Variants in SMO observed in about 807,000 individuals in gnomAD.
SMO encodes smoothened, frizzled class receptor, also known as protein smoothened.
SMO carries 40 observed loss-of-function variants against 81.6 expected under a neutral mutation model. That is an observed-to-expected ratio of 0.49 (90% CI 0.38 to 0.64). The LOEUF (loss-of-function observed/expected upper bound fraction) is 0.64, where lower values mean the gene tolerates loss of function less well. Among genes scored for constraint, SMO ranks in the 30% least tolerant of loss-of-function variants. SMO has a pLI of 0.00. For missense variants in SMO, 916 were observed against 1,061.1 expected (o/e 0.86, Z 1.90); for synonymous variants, 434 against 432.1 (o/e 1.00, Z -0.05).
At chr7:129,193,620 A>G (rs1019122384) in intron 1 of SMO, among the ~76,000 whole-genome samples, 5 of 150,506 alleles carry the variant, frequency 3.3e-5, no homozygotes, top group African/African-American at 1.2e-4. Flanking sequence ...TTAGTTGGGC[A>G]TGGTGGCGGG....
At chr7:129,203,341 G>T in intron 1 of SMO, 43 bp from the exon 2 acceptor site, 1 of 1,439,816 alleles carries the variant, frequency 6.9e-7, no homozygotes. Flanking sequence ...CTGTGGGTCA[G>T]AGTGAGGAGG....
Position 129,193,803 on chromosome 7 carries a change from T to A in SMO, c.331+4321T>A, listed in dbSNP as rs1330185468. ...AAAAAAAAATATATATATATATATA[T>A]ATATATATATATATGTATAGGCTGG... On this transcript the variant is annotated intron_variant, in intron 1 of 11. Coordinates refer to ENST00000249373, the MANE Select transcript of SMO (RefSeq NM_005631.5). Among the ~76,000 whole-genome samples the A allele has an allele frequency of 7.2e-5, 7 of 96,794 alleles. No homozygotes were observed. In the South Asian group the frequency reaches 1.2e-3, roughly 17 times the overall value. 63.5% of individuals were successfully genotyped at this position (96,794 alleles called of 152,430 possible).
Position 129,206,615 on chromosome 7 carries a change from T to A in SMO, c.1264+28T>A. On this transcript the variant is annotated intron_variant, in intron 6 of 11. Transcript: ENST00000249373. This position sits in a 1 kb window ranked among gnomAD's most constrained non-coding sequence, Gnocchi z 4.4. ...GAGTGAAGACCAGGCCAGGACCAGT[T>A]GGGCAACAAAATATACTGGGCACTT... The A allele has an allele frequency of 1.2e-6, 2 of 1,612,136 alleles. No homozygotes were observed. The highest frequency in any genetic ancestry group is 8.5e-7 in the Non-Finnish European group (1 of 1,178,850).
rs1211819451 is a variant in SMO, at chr7:129,189,530, G to T, written c.331+48G>T. 1.3e-6 allele frequency: 2 copies of T among 1,527,742 alleles called. No homozygotes were observed. Among genetic ancestry groups the T allele is most frequent in the African/African-American group, 2.7e-5 (2 of 72,792 alleles). The allele number at this position is 1,527,742 out of a possible 1,614,324, so 94.6% of individuals were successfully genotyped here. ...TGGGGGGCGGGAGGTGCCGCGGTAA[G>T]ATGGGGGCACCCTTGGAAAGAACAG... On this transcript the variant is annotated intron_variant, in intron 1 of 11. Transcript: ENST00000249373. This position sits in a 1 kb window ranked among gnomAD's most constrained non-coding sequence, Gnocchi z 4.7.
At chr7:129,193,384 G>T (rs1793506895) in intron 1 of SMO, among the ~76,000 whole-genome samples, 1 of 152,058 alleles carries the variant, frequency 6.6e-6, no homozygotes, top group South Asian at 2.1e-4. Flanking sequence ...TTTTGGTGAT[G>T]GTGGGTTATT....
chr7:129,209,051 G>C (rs1026220165), intron 7 of SMO, 200 bp downstream of exon 7: 204 of 617,392 alleles, frequency 3.3e-4, no homozygotes, highest in Middle Eastern at 1.3e-3. Context: ...ATTCAGTCAA[G>C]TTCATGCCGG....
chr7:129,196,040 G>A (rs34584368), intron 1 of SMO, among the ~76,000 whole-genome samples: 4,071 of 149,922 alleles, frequency 0.027, 91 homozygotes, highest in Admixed American at 0.065. Flanking sequence ...GGCGGAGCTT[G>A]CAGTGAGCCG....
rs542191794 is a variant in SMO at position 129,204,658 on chromosome 7, TATATA to T, written c.538-539_538-535del. ...CAGACTCTGTCTCTCTCTTTCTATATATATAATATATGTTTATTCATTTAACCCTT... is the reference window on the plus strand; with the variant it reads ...CAGACTCTGTCTCTCTCTTTCTATATATATATGTTTATTCATTTAACCCTT... On this transcript the variant is annotated intron_variant, in intron 2 of 11. Transcript: ENST00000249373. Among the ~76,000 whole-genome samples, 14 of 149,880 alleles carry T rather than the reference TATATA, an allele frequency of 9.3e-5. No homozygotes were observed. The South Asian group carries it at 2.7e-3, about 29-fold the overall frequency.
chr7:129,206,083 G>C lies in SMO; in HGVS notation c.921-67G>C, dbSNP rs548512228. ...TCAGCAGCTGAGGGTCTGGGCACAG[G>C]GTGGGGAGACCAGGTAGAGGGAGTA... On this transcript the variant is annotated intron_variant, in intron 4 of 11. Coordinates refer to ENST00000249373, the MANE Select transcript of SMO (RefSeq NM_005631.5). The surrounding 1 kb of genome is among the most constrained non-coding windows in gnomAD (Gnocchi z 4.4). 1 of 1,300,858 alleles carries C rather than the reference G, an allele frequency of 7.7e-7. No homozygotes were observed. The highest frequency in any genetic ancestry group is 1.1e-6 in the Non-Finnish European group (1 of 925,392). The allele number at this position is 1,300,858 out of a possible 1,614,324, so 80.6% of individuals were successfully genotyped here. A position where few individuals can be genotyped will look rare whatever the true frequency, so the allele number is the denominator to read the frequency against.
chr7:129,206,679 T>C lies in SMO; in HGVS notation c.1264+92T>C. 7.1e-7 allele frequency: 1 copy of C among 1,407,466 alleles called. No homozygotes were observed. Among genetic ancestry groups the C allele is most frequent in the Non-Finnish European group, 9.8e-7 (1 of 1,021,936 alleles). 87.2% of individuals were successfully genotyped at this position (1,407,466 alleles called of 1,614,324 possible). On this transcript the variant is annotated intron_variant, in intron 6 of 11. Transcript: ENST00000249373. This position sits in a 1 kb window ranked among gnomAD's most constrained non-coding sequence, Gnocchi z 4.4. ...GGAGCTGCCAGCACGGCTGCCCCCA[T>C]GCTGAAACCCCAGCTAGCTCCTATA...
rs1020967416 is a variant in SMO, at chr7:129,189,901, G to C, written c.331+419G>C. ...TGGAGAGGAAAAGGGGAGGGATGAC[G>C]GAGGAAGAGGTTTAGACATTTGGAG... On this transcript the variant is annotated intron_variant, in intron 1 of 11. Coordinates refer to ENST00000249373, the MANE Select transcript of SMO (RefSeq NM_005631.5). This position sits in a 1 kb window ranked among gnomAD's most constrained non-coding sequence, Gnocchi z 4.7. Among the ~76,000 whole-genome samples, 5 of 152,126 alleles carry C rather than the reference G, an allele frequency of 3.3e-5. No individual in the cohort carries two copies. The highest frequency in any genetic ancestry group is 7.4e-5 in the Non-Finnish European group (5 of 68,012).
chr7:129,195,154 G>GTAGTCTTTTATGTATATCC (rs1345087886), intron 1 of SMO, among the ~76,000 whole-genome samples: 3 of 152,182 alleles, frequency 2.0e-5, no homozygotes, highest in African/African-American at 7.2e-5. Flanking sequence ...ATTGCTGTGA[G>GTAGTCTTTTATGTATATCC]TAGTCTTTTA....
intron 1 of SMO, among the ~76,000 whole-genome samples, chr7:129,198,121 TTTTG>T (rs1793614554): frequency 6.6e-6 from 1 of 152,166 alleles, no homozygotes; most frequent in Admixed American, 6.5e-5. Flanking sequence ...TTGTTTTTGT[TTTTG>T]TTTTTTTGTA....
Position 129,193,758 on chromosome 7 carries a change from C to CAAAAAA in SMO, c.331+4299_331+4304dup, listed in dbSNP as rs35934044. ...TGGGCGACAGACCGAGACTCCATCT[C>CAAAAAA]AAAAAAAAAAAAAAAAAAAAAAAAA... On this transcript the variant is annotated intron_variant, in intron 1 of 11. Transcript: ENST00000249373. 1.2e-3 allele frequency among the ~76,000 whole-genome samples: 9 copies of CAAAAAA among 7,458 alleles called. 2 individuals carry two copies. The highest frequency in any genetic ancestry group is 1.6e-3 in the Non-Finnish European group (8 of 4,906). 4.9% of individuals were successfully genotyped at this position (7,458 alleles called of 152,430 possible).
intron 3 of SMO, 75 bp downstream of exon 3, chr7:129,205,487 A>C: frequency 6.5e-7 from 1 of 1,540,994 alleles, no homozygotes; most frequent in Non-Finnish European, 8.9e-7. Context: ...AAGGGGGGCA[A>C]AGAGGTCTTG....
chr7:129,207,377 G>A (rs1793791023), intron 6 of SMO, among the ~76,000 whole-genome samples: 1 of 152,140 alleles, frequency 6.6e-6, no homozygotes, highest in African/African-American at 2.4e-5. Flanking sequence ...TGGAATTAGT[G>A]GTCCCTAACT....
rs1793439672 is a variant in SMO at position 129,189,021 on chromosome 7, C to T, written c.-131C>T. On this transcript the variant is annotated 5_prime_UTR_variant, in exon 1 of 12. Coordinates refer to ENST00000249373, the MANE Select transcript of SMO (RefSeq NM_005631.5). The surrounding 1 kb of genome is among the most constrained non-coding windows in gnomAD (Gnocchi z 4.7). ...GGCGCGCGGAGCGTCCGGGGGGGCCCGGGCCCGGATTCTCTGGGCGCACAG... is the reference window on the plus strand; with the variant it reads ...GGCGCGCGGAGCGTCCGGGGGGGCCTGGGCCCGGATTCTCTGGGCGCACAG... 3.8e-6 allele frequency: 3 copies of T among 780,516 alleles called. No homozygotes were observed. Among genetic ancestry groups the T allele is most frequent in the Admixed American group, 4.5e-5 (1 of 22,002 alleles). The allele number at this position is 780,516 out of a possible 1,614,324, so 48.3% of individuals were successfully genotyped here.
chr7:129,200,247 C>T (rs1006440950), intron 1 of SMO, among the ~76,000 whole-genome samples: 15 of 152,046 alleles, frequency 9.9e-5, no homozygotes, highest in African/African-American at 3.4e-4. Context: ...GAACCCCCGT[C>T]TCTACTAAAA....
intron 1 of SMO, among the ~76,000 whole-genome samples, chr7:129,198,424 AGATGTG>A (rs1793617236): frequency 6.6e-6 from 1 of 152,238 alleles, no homozygotes. Context: ...GTCCAGATGT[AGATGTG>A]CTCTCAGTCT....
Sources: allele counts gnomAD v4.1 joint callset (sites outside exome capture counted in the v4.1 genomes callset), GRCh38; gene constraint gnomAD v4.1.1; non-coding constraint Gnocchi (gnomAD v3.1); transcripts MANE v1.5; gene names NCBI Gene and HGNC (gene_info 2026-07-23, HGNC 2026-07-21).